DLG2: variants seen among roughly 807,000 people sequenced by gnomAD.
DLG2 encodes discs large MAGUK scaffold protein 2, also known as disks large homolog 2.
In DLG2, 45 loss-of-function variants were observed where a neutral mutation model predicts 132.5. The observed-to-expected ratio is 0.34, with a 90% CI of 0.27 to 0.44. The LOEUF is 0.44. Ranked by LOEUF, DLG2 falls within the 20% of genes least tolerant of loss-of-function variation. The probability of loss-of-function intolerance (pLI) is 1.00; values close to 1 mark genes in which losing one functional copy is unlikely to be tolerated. For missense variants in DLG2, 1,045 were observed against 1,196.9 expected (o/e 0.87, Z 1.87); for synonymous variants, 424 against 419.6 (o/e 1.01, Z -0.13).
chr11:85,134,245 C>A (rs2075971963), intron 5 of DLG2, among the ~76,000 whole-genome samples: 1 of 151,284 alleles, frequency 6.6e-6, no homozygotes, highest in Admixed American at 6.6e-5. Flanking sequence ...CCACTACTAA[C>A]CACCACCCTC....
chr11:83,543,757 T>G (rs550136827), intron 19 of DLG2, among the ~76,000 whole-genome samples: 71 of 152,272 alleles, frequency 4.7e-4, no homozygotes, highest in African/African-American at 1.7e-3. Context: ...CCCTTTTTCC[T>G]TTTGGGTAGA....
chr11:83,910,380 A>G (rs1296094333), intron 15 of DLG2, among the ~76,000 whole-genome samples: 1 of 152,114 alleles, frequency 6.6e-6, no homozygotes, highest in East Asian at 1.9e-4. Context: ...GTTTTCATTA[A>G]AGTTTAACTT....
chr11:84,420,505 T>C (rs539049690), intron 7 of DLG2, among the ~76,000 whole-genome samples: 45 of 152,218 alleles, frequency 3.0e-4, no homozygotes, highest in African/African-American at 8.2e-4. Flanking sequence ...CATCATCAAA[T>C]GCCTAAGGCA....
chr11:84,207,495 T>C (rs2096686747), intron 8 of DLG2, among the ~76,000 whole-genome samples: 1 of 152,044 alleles, frequency 6.6e-6, no homozygotes, highest in Non-Finnish European at 1.5e-5. Flanking sequence ...CATAAATATA[T>C]AGTAAAATAA....
intron 10 of DLG2, among the ~76,000 whole-genome samples, chr11:84,092,193 A>G (rs538193700): frequency 6.6e-5 from 10 of 152,338 alleles, no homozygotes; most frequent in African/African-American, 2.4e-4. Flanking sequence ...CCACATTCGA[A>G]GGAAAGGGAT....
intron 3 of DLG2, among the ~76,000 whole-genome samples, chr11:85,396,588 C>G (rs143206770): frequency 6.6e-6 from 1 of 152,062 alleles, no homozygotes; most frequent in Non-Finnish European, 1.5e-5. Flanking sequence ...CTTAAATGAC[C>G]TGATGGAGGT....
intron 5 of DLG2, among the ~76,000 whole-genome samples, chr11:85,128,053 A>T (rs2075329861): frequency 6.6e-6 from 1 of 152,222 alleles, no homozygotes; most frequent in African/African-American, 2.4e-5. Flanking sequence ...TATTAACTAC[A>T]TCAAGAAAAG....
At chr11:84,214,052 G>A (rs1404477820) in intron 8 of DLG2, among the ~76,000 whole-genome samples, 1 of 150,818 alleles carries the variant, frequency 6.6e-6, no homozygotes, top group Non-Finnish European at 1.5e-5. Flanking sequence ...CTATTATCCT[G>A]CTTACTCTTT....
intron 6 of DLG2, among the ~76,000 whole-genome samples, chr11:85,054,346 C>T (rs2063236323): frequency 6.6e-6 from 1 of 151,770 alleles, no homozygotes; most frequent in Non-Finnish European, 1.5e-5. Context: ...GTCAGAATGG[C>T]TATTATTAAA....
chr11:85,025,531 T>C (rs1005374943), intron 6 of DLG2, among the ~76,000 whole-genome samples: 7 of 152,200 alleles, frequency 4.6e-5, no homozygotes, highest in African/African-American at 1.7e-4. Context: ...ACAAAAGATG[T>C]CAGCATATAT....
chr11:84,976,533 T>A (rs558800503), intron 6 of DLG2, among the ~76,000 whole-genome samples: 1 of 152,264 alleles, frequency 6.6e-6, no homozygotes, highest in East Asian at 1.9e-4. Context: ...TATTTTTAAA[T>A]TTTCTTATCT....
chr11:84,104,654 A>AT (rs2092778014), intron 9 of DLG2, among the ~76,000 whole-genome samples: 2 of 152,240 alleles, frequency 1.3e-5, no homozygotes, highest in African/African-American at 4.8e-5. Flanking sequence ...AAAAAGTGAC[A>AT]TTTTAATTAC....
chr11:85,425,002 G>A (rs1298490206), intron 3 of DLG2, among the ~76,000 whole-genome samples: 1 of 149,798 alleles, frequency 6.7e-6, no homozygotes, highest in East Asian at 2.0e-4. Flanking sequence ...ATCCACTGAA[G>A]TTAGTACTTC....
intron 7 of DLG2, among the ~76,000 whole-genome samples, chr11:84,401,029 G>A (rs866236907): frequency 6.6e-6 from 1 of 151,954 alleles, no homozygotes; most frequent in Non-Finnish European, 1.5e-5. Context: ...TCAAACACAT[G>A]GTTGATTCCT....
chr11:85,067,883 A>C (rs2065173765), intron 6 of DLG2, among the ~76,000 whole-genome samples: 1 of 152,146 alleles, frequency 6.6e-6, no homozygotes, highest in Non-Finnish European at 1.5e-5. Flanking sequence ...CCTGATGAAC[A>C]TCGATGCAAA....
Position 84,638,634 on chromosome 11 carries a change from CT to C in DLG2, c.358-103904del, listed in dbSNP as rs1480619653. ...TTTTGAAATTGCTCAACTAGCCATA[CT>C]TTTTGTTTCATTATAAATTTAATAA... On this transcript the variant is annotated intron_variant, in intron 6 of 27. Coordinates refer to ENST00000376104, the MANE Select transcript of DLG2 (RefSeq NM_001142699.3). Among the ~76,000 whole-genome samples, 5 of 152,258 alleles carry C rather than the reference CT, an allele frequency of 3.3e-5. 1 individual carries two copies. The South Asian group carries it at 1.0e-3, about 32-fold the overall frequency.
chr11:84,073,852 G>GC (rs1005499244), intron 10 of DLG2, among the ~76,000 whole-genome samples: 4 of 152,014 alleles, frequency 2.6e-5, no homozygotes, highest in Non-Finnish European at 5.9e-5. Context: ...TGTGTCATAA[G>GC]CCCCCCACCC....
intron 3 of DLG2, among the ~76,000 whole-genome samples, chr11:85,513,439 G>T (rs964630168): frequency 6.6e-6 from 1 of 151,962 alleles, no homozygotes; most frequent in African/African-American, 2.4e-5. Flanking sequence ...TGTACTTCAA[G>T]AGACAAATTG....
intron 6 of DLG2, among the ~76,000 whole-genome samples, chr11:85,109,065 A>T (rs1156493351): frequency 1.3e-5 from 2 of 152,056 alleles, no homozygotes; most frequent in African/African-American, 4.8e-5. Context: ...CCCAGGAAAA[A>T]AAAATTCAAC....
Sources: allele counts gnomAD v4.1 joint callset (sites outside exome capture counted in the v4.1 genomes callset), GRCh38; gene constraint gnomAD v4.1.1; transcripts MANE v1.5; gene names NCBI Gene and HGNC (gene_info 2026-07-23, HGNC 2026-07-21).